SLC25A48: variants seen among roughly 807,000 people sequenced by gnomAD.
SLC25A48 encodes the protein CTC-321K16.1.
SLC25A48 carries 29 observed loss-of-function variants against 32.2 expected under a neutral mutation model. The ratio of observed to expected loss-of-function variants is 0.90; its 90% CI spans 0.67 to 1.23. The LOEUF (loss-of-function observed/expected upper bound fraction) is 1.23, where lower values mean the gene tolerates loss of function less well. SLC25A48 is among the 50% of genes most tolerant of loss of function. The pLI is 0.00. For synonymous variants in SLC25A48, 164 were observed against 172.3 expected, an observed-to-expected ratio of 0.95 and a Z score of 0.38; for missense variants, 399 against 422.7, an observed-to-expected ratio of 0.94 and a Z score of 0.49.
intron 3 of SLC25A48, chr5:135,649,511 A>C (rs1188546318): frequency 6.6e-6 from 1 of 152,512 alleles, no homozygotes; most frequent in Non-Finnish European, 1.5e-5. Flanking sequence ...CAAATAGCAG[A>C]CAGGGTGCTT....
chr5:135,641,226 T>C (rs1291252112), intron 3 of SLC25A48, among the ~76,000 whole-genome samples: 3 of 152,184 alleles, frequency 2.0e-5, no homozygotes, highest in African/African-American at 7.2e-5. Flanking sequence ...ATTTGAAATA[T>C]AGGGTTTGAG....
intron 1 of SLC25A48, among the ~76,000 whole-genome samples, chr5:135,588,715 C>G (rs13156642): frequency 0.28 from 42,593 of 151,842 alleles, 6,047 homozygotes; most frequent in Middle Eastern, 0.35. Flanking sequence ...AGGGACAGGG[C>G]AGCTGAGGTC....
chr5:135,865,441 T>C (rs1296580174), intron 4 of SLC25A48, among the ~76,000 whole-genome samples: 1 of 152,198 alleles, frequency 6.6e-6, no homozygotes, highest in Non-Finnish European at 1.5e-5. Flanking sequence ...TTACTGATGC[T>C]TCCATCAAAT....
At chr5:135,615,326 G>A (rs180738102) in intron 1 of SLC25A48, among the ~76,000 whole-genome samples, 45 of 152,278 alleles carry the variant, frequency 3.0e-4, no homozygotes, top group Middle Eastern at 3.4e-3. Flanking sequence ...AGTGAACACC[G>A]GGCTGATTAG....
chr5:135,599,638 C>T (rs1485955704), intron 1 of SLC25A48, among the ~76,000 whole-genome samples: 6 of 152,254 alleles, frequency 3.9e-5, no homozygotes, highest in Non-Finnish European at 8.8e-5. Context: ...GCCACTCCAG[C>T]TGCATGTTTC....
chr5:135,712,719 A>C (rs958809961), intron 3 of SLC25A48, among the ~76,000 whole-genome samples: 1 of 152,250 alleles, frequency 6.6e-6, no homozygotes, highest in Non-Finnish European at 1.5e-5. Context: ...AGAAGTACTC[A>C]AGCTTTGTGC....
chr5:135,874,747 C>T (rs749343642), intron 6 of SLC25A48: 12 of 698,444 alleles, frequency 1.7e-5, no homozygotes, highest in Non-Finnish European at 5.2e-6. Context: ...ACACCCCTTC[C>T]CACCACCTGA....
chr5:135,746,034 C>G lies in SLC25A48; in HGVS notation c.-520-66489C>G, dbSNP rs80287602. ...CCATCCGTGCCACATCCTTTGCTCT[C>G]GCCTTCTACAGTCCTCCTCCCTGTC... On this transcript the variant is annotated intron_variant, in intron 3 of 10. Transcript: ENST00000646290. Among the ~76,000 whole-genome samples the G allele has an allele frequency of 3.4e-3, 521 of 152,268 alleles. 5 individuals are homozygous for G. The highest frequency in any genetic ancestry group is 0.012 in the African/African-American group (488 of 41,556).
intron 2 of SLC25A48, among the ~76,000 whole-genome samples, chr5:135,848,031 G>A (rs1226559437): frequency 6.6e-6 from 1 of 152,186 alleles, no homozygotes; most frequent in East Asian, 1.9e-4. Context: ...TATGCAGTTG[G>A]TGCATAATAA....
At chr5:135,789,981 C>T (rs962460037) in intron 3 of SLC25A48, among the ~76,000 whole-genome samples, 1 of 151,882 alleles carries the variant, frequency 6.6e-6, no homozygotes, top group Admixed American at 6.6e-5. Context: ...CAGTATAATA[C>T]TATGAACAAT....
chr5:135,765,435 A>T (rs1756187704), intron 3 of SLC25A48, among the ~76,000 whole-genome samples: 1 of 150,914 alleles, frequency 6.6e-6, no homozygotes, highest in African/African-American at 2.4e-5. Flanking sequence ...GAGGGGGGTG[A>T]TATTACTCAC....
upstream of SLC25A48, among the ~76,000 whole-genome samples, chr5:135,830,962 G>A (rs998487143): frequency 6.6e-6 from 1 of 152,190 alleles, no homozygotes; most frequent in East Asian, 1.9e-4. Flanking sequence ...GGGGTGCCTT[G>A]AGAGAGGGCA....
intron 3 of SLC25A48, among the ~76,000 whole-genome samples, chr5:135,748,183 C>T (rs553136809): frequency 6.6e-6 from 1 of 152,292 alleles, no homozygotes; most frequent in East Asian, 1.9e-4. Flanking sequence ...GATTTACTTG[C>T]CCACAATCTG....
chr5:135,880,346 C>T (rs1002748849), intron 7 of SLC25A48, among the ~76,000 whole-genome samples: 10 of 151,962 alleles, frequency 6.6e-5, no homozygotes, highest in Non-Finnish European at 1.0e-4. Context: ...CCAGACAGCT[C>T]GCCTCTCCGT....
At chr5:135,846,355 T>C (rs972653420) in intron 2 of SLC25A48, among the ~76,000 whole-genome samples, 9 of 152,216 alleles carry the variant, frequency 5.9e-5, no homozygotes, top group African/African-American at 2.2e-4. Context: ...CTCCTTCTCA[T>C]GAACATCCCA....
intron 3 of SLC25A48, among the ~76,000 whole-genome samples, chr5:135,754,486 C>T (rs1474929456): frequency 6.6e-6 from 1 of 151,790 alleles, no homozygotes; most frequent in Non-Finnish European, 1.5e-5. Context: ...AGTGCTTACA[C>T]ACTGTGATAT....
At position 135,859,655 on chromosome 5, in the gene SLC25A48, A is replaced by G. The variant is rs139970872; in HGVS notation, c.421+6834A>G. Among the ~76,000 whole-genome samples the G allele has an allele frequency of 6.9e-3, 1,052 of 152,294 alleles. 17 individuals carry two copies. The highest frequency in any genetic ancestry group is 0.023 in the African/African-American group (974 of 41,558). On this transcript the variant is annotated intron_variant, in intron 4 of 7. Transcript: ENST00000681962. ...TGGGAAGGGATGGAGATGGCTAGGC[A>G]ATGGGTGCTTGCTGCTGATTGGTTG...
Position 135,766,101 on chromosome 5 carries a change from C to T in SLC25A48, c.-520-46422C>T, listed in dbSNP as rs141223430. On this transcript the variant is annotated intron_variant, in intron 3 of 10. Coordinates refer to the SLC25A48 transcript ENST00000646290. The stretch of plus-strand genomic sequence containing the variant: ...GAGAGTAATATTTCTCCCCATATCG[C>T]GGGGGATGTACAGCCCCCTGTGATA... 9.7e-3 allele frequency among the ~76,000 whole-genome samples: 1,477 copies of T among 151,634 alleles called. 15 individuals carry two copies. Among genetic ancestry groups the T allele is most frequent in the Non-Finnish European group, 0.014 (975 of 67,872 alleles).
intron 3 of SLC25A48, among the ~76,000 whole-genome samples, chr5:135,774,357 A>G (rs1369150340): frequency 6.6e-6 from 1 of 151,698 alleles, no homozygotes; most frequent in Non-Finnish European, 1.5e-5. Flanking sequence ...CGGGTGGTGT[A>G]CACTCCTTCA....
Sources: allele counts gnomAD v4.1 joint callset (sites outside exome capture counted in the v4.1 genomes callset), GRCh38; gene constraint gnomAD v4.1.1; transcripts MANE v1.5; gene names NCBI Gene and HGNC (gene_info 2026-07-23, HGNC 2026-07-21).